Variants in ASAP1 observed in about 807,000 individuals in gnomAD.
ASAP1 encodes ArfGAP with SH3 domain, ankyrin repeat and PH domain 1, also known as arf-GAP with SH3 domain, ANK repeat and PH domain-containing protein 1.
Under a neutral mutation model 145.2 loss-of-function variants are expected in ASAP1, and 43 were observed. The observed-to-expected ratio is 0.30, with a 90% confidence interval of 0.23 to 0.38. ASAP1 has a LOEUF of 0.38. Among genes scored for constraint, ASAP1 ranks in the 10% least tolerant of loss-of-function variants. The probability of loss-of-function intolerance (pLI) is 1.00; values close to 1 mark genes in which losing one functional copy is unlikely to be tolerated. For missense variants in ASAP1, 1,018 were observed against 1,355.3 expected (o/e 0.75, Z 3.91); for synonymous variants, 546 against 515.5 (o/e 1.06, Z -0.80).
At chr8:130,054,863 A>C (rs2097400218) in intron 29 of ASAP1, 58 bp from the exon 30 acceptor site, 2 of 1,409,624 alleles carry the variant, frequency 1.4e-6, no homozygotes, top group South Asian at 2.3e-5. Flanking sequence ...CCCCACGACA[A>C]ACCCAGTGGG....
intron 18 of ASAP1, 195 bp from the exon 19 acceptor site, chr8:130,118,870 A>G (rs2097560807): frequency 1.8e-5 from 6 of 338,188 alleles, no homozygotes; most frequent in Admixed American, 9.1e-5. Flanking sequence ...TTACTAATAT[A>G]TACAAGTAAT....
At chr8:130,412,627 A>T (rs1201623058) in intron 1 of ASAP1, among the ~76,000 whole-genome samples, 1 of 152,030 alleles carries the variant, frequency 6.6e-6, no homozygotes, top group Non-Finnish European at 1.5e-5. Flanking sequence ...CGAGTCTAGC[A>T]GAATAAATAA....
chr8:130,077,344 C>T (rs2097464942), intron 26 of ASAP1, among the ~76,000 whole-genome samples: 1 of 152,162 alleles, frequency 6.6e-6, no homozygotes, highest in Admixed American at 6.5e-5. Flanking sequence ...CATCAGTGGT[C>T]TACATTAGGT....
chr8:130,294,470 C>A (rs953405448), intron 3 of ASAP1, among the ~76,000 whole-genome samples: 2 of 152,152 alleles, frequency 1.3e-5, no homozygotes, highest in Non-Finnish European at 2.9e-5. Context: ...GGTTTGAATC[C>A]CAGATCGACT....
chr8:130,325,380 T>A (rs1824262148), intron 3 of ASAP1, among the ~76,000 whole-genome samples: 1 of 152,210 alleles, frequency 6.6e-6, no homozygotes, highest in African/African-American at 2.4e-5. Flanking sequence ...AGACCAGTGC[T>A]ACACTATGCT....
intron 3 of ASAP1, among the ~76,000 whole-genome samples, chr8:130,317,183 T>C (rs960204621): frequency 6.6e-6 from 1 of 152,026 alleles, no homozygotes; most frequent in Admixed American, 6.6e-5. Context: ...TCTCAAATAA[T>C]GTGCAAAAGC....
At chr8:130,170,130 TCA>T (rs1565045432) in intron 9 of ASAP1, among the ~76,000 whole-genome samples, 2 of 152,120 alleles carry the variant, frequency 1.3e-5, no homozygotes, top group Non-Finnish European at 2.9e-5. Flanking sequence ...CATCTCCCTA[TCA>T]CAGTGGGCCC....
chr8:130,162,599 A>T (rs1339257197), intron 11 of ASAP1, among the ~76,000 whole-genome samples: 3 of 152,070 alleles, frequency 2.0e-5, no homozygotes, highest in Non-Finnish European at 2.9e-5. Flanking sequence ...CGGGTGGATC[A>T]TGAGGTCAGG....
intron 1 of ASAP1, among the ~76,000 whole-genome samples, chr8:130,408,714 TA>T (rs1403373989): frequency 6.6e-6 from 1 of 152,186 alleles, no homozygotes; most frequent in Admixed American, 6.6e-5. Context: ...GCACATTCAT[TA>T]AATCCTACAA....
intron 2 of ASAP1, among the ~76,000 whole-genome samples, chr8:130,370,841 G>A (rs1827179190): frequency 6.6e-6 from 1 of 152,224 alleles, no homozygotes; most frequent in African/African-American, 2.4e-5. Context: ...TCCAGACTAG[G>A]CAAATCTATA....
Position 130,120,322 on chromosome 8 carries a change from A to G in ASAP1, c.1608-1647T>C, listed in dbSNP as rs1253892452. ...CAGCTACTGTGTTGATGGATGGAGC[A>G]GCAGACTTAAAAATTAAATCGCTCG... On this transcript the variant is annotated intron_variant, in intron 18 of 29. Coordinates refer to ENST00000518721, the MANE Select transcript of ASAP1 (RefSeq NM_018482.4). Among the ~76,000 whole-genome samples the G allele has an allele frequency of 3.9e-5, 6 of 152,262 alleles. No individual in the cohort carries two copies. In the South Asian group the frequency reaches 1.0e-3, roughly 26 times the overall value.
intron 1 of ASAP1, among the ~76,000 whole-genome samples, chr8:130,425,500 G>C (rs1231238731): frequency 6.6e-6 from 1 of 152,172 alleles, no homozygotes; most frequent in East Asian, 1.9e-4. Context: ...CTGGGCGACA[G>C]AGCAAGACTC....
intron 5 of ASAP1, among the ~76,000 whole-genome samples, chr8:130,188,415 G>GT (rs1814891056): frequency 6.6e-6 from 1 of 152,092 alleles, no homozygotes; most frequent in Non-Finnish European, 1.5e-5. Context: ...CATAAAGCAT[G>GT]TGAGTGAGGA....
At chr8:130,169,144 A>C in intron 9 of ASAP1, 77 bp from the exon 10 acceptor site, 1 of 896,548 alleles carries the variant, frequency 1.1e-6, no homozygotes, top group South Asian at 1.6e-5. Flanking sequence ...GGAAATAAAA[A>C]AAGGAACTAT....
chr8:130,104,112 C>G (rs2097533224), intron 24 of ASAP1, among the ~76,000 whole-genome samples: 1 of 152,202 alleles, frequency 6.6e-6, no homozygotes, highest in Admixed American at 6.5e-5. Context: ...GCTCTCCTGC[C>G]AGGGCCCGGC....
chr8:130,429,055 G>A (rs571444359), intron 1 of ASAP1, among the ~76,000 whole-genome samples: 8 of 152,214 alleles, frequency 5.3e-5, no homozygotes, highest in Admixed American at 4.6e-4. Flanking sequence ...CATCACTGCA[G>A]TCACAGGGGT....
intron 4 of ASAP1, among the ~76,000 whole-genome samples, chr8:130,217,379 T>G (rs542960438): frequency 6.6e-6 from 1 of 152,148 alleles, no homozygotes; most frequent in Admixed American, 6.5e-5. Context: ...CTTCCTTTAG[T>G]TGGAAACAAT....
chr8:130,294,350 G>T (rs1433881781), intron 3 of ASAP1, among the ~76,000 whole-genome samples: 2 of 152,216 alleles, frequency 1.3e-5, no homozygotes, highest in Non-Finnish European at 2.9e-5. Flanking sequence ...TTCCCCTGGT[G>T]TACAGTCACC....
intron 1 of ASAP1, among the ~76,000 whole-genome samples, chr8:130,418,328 T>G (rs1829573561): frequency 6.6e-6 from 1 of 152,144 alleles, no homozygotes; most frequent in Admixed American, 6.5e-5. Context: ...GGCGGGCGGA[T>G]CATGAGGTCA....
Sources: allele counts gnomAD v4.1 joint callset (sites outside exome capture counted in the v4.1 genomes callset), GRCh38; gene constraint gnomAD v4.1.1; transcripts MANE v1.5; gene names NCBI Gene and HGNC (gene_info 2026-07-23, HGNC 2026-07-21).